GSTCD: variants seen among roughly 807,000 people sequenced by gnomAD.
GSTCD encodes the protein glutathione S-transferase C-terminal domain containing.
GSTCD carries 44 observed loss-of-function variants against 68.3 expected under a neutral mutation model. The observed-to-expected ratio is 0.64, with a 90% CI of 0.51 to 0.83. The LOEUF is 0.83. Ranked by LOEUF, GSTCD falls within the 40% of genes least tolerant of loss-of-function variation. The pLI, the probability that GSTCD is intolerant of heterozygous loss-of-function variation, is 0.00. For missense variants in GSTCD, 739 were observed against 735.9 expected (o/e 1.00, Z -0.05); for synonymous variants, 273 against 255.2 (o/e 1.07, Z -0.67).
chr4:105,838,604 G>A (rs1724214537), intron 10 of GSTCD, among the ~76,000 whole-genome samples: 1 of 152,224 alleles, frequency 6.6e-6, no homozygotes, highest in Non-Finnish European at 1.5e-5. Context: ...AACAAAGACA[G>A]TCAGTGTCTC....
chr4:105,796,900 A>G (rs556446120), intron 5 of GSTCD, among the ~76,000 whole-genome samples: 82 of 152,310 alleles, frequency 5.4e-4, no homozygotes, highest in African/African-American at 1.8e-3. Flanking sequence ...AGTCACTTCT[A>G]TGTATAGAGG....
chr4:105,819,478 G>C (rs149427775), intron 5 of GSTCD, among the ~76,000 whole-genome samples: 1 of 151,714 alleles, frequency 6.6e-6, no homozygotes, highest in Non-Finnish European at 1.5e-5. Flanking sequence ...TTTCTGTTGA[G>C]ATGCGTCCTC....
intron 5 of GSTCD, among the ~76,000 whole-genome samples, chr4:105,786,429 T>C (rs1198443169): frequency 1.3e-5 from 2 of 151,762 alleles, no homozygotes; most frequent in Non-Finnish European, 1.5e-5. Flanking sequence ...GGAGAATCGC[T>C]TGGACGCCAG....
intron 5 of GSTCD, among the ~76,000 whole-genome samples, chr4:105,819,443 A>T (rs1723166347): frequency 6.6e-6 from 1 of 151,846 alleles, no homozygotes; most frequent in Non-Finnish European, 1.5e-5. Flanking sequence ...ACTTCTTAAG[A>T]ACAGAAACTA....
At chr4:105,766,948 C>A (rs577795054) in intron 5 of GSTCD, among the ~76,000 whole-genome samples, 64 of 98,846 alleles carry the variant, frequency 6.5e-4, no homozygotes, top group Admixed American at 1.1e-3. Context: ...TTCCAGTGTT[C>A]CAGTATATAA....
intron 5 of GSTCD, among the ~76,000 whole-genome samples, chr4:105,741,885 T>C (rs1332595764): frequency 6.6e-6 from 1 of 152,178 alleles, no homozygotes; most frequent in East Asian, 1.9e-4. Flanking sequence ...GCATTTTAAG[T>C]TTGTTGTTTT....
chr4:105,766,887 C>CTCTTT (rs1734629273), intron 5 of GSTCD, among the ~76,000 whole-genome samples: 1 of 57,138 alleles, frequency 1.8e-5, no homozygotes, highest in Non-Finnish European at 3.0e-5. Context: ...GTTTTTGACT[C>CTCTTT]TTTTTTTTTT....
intron 5 of GSTCD, chr4:105,821,222 AT>A (rs1723276311): frequency 6.6e-6 from 1 of 151,904 alleles, no homozygotes; most frequent in East Asian, 1.9e-4. Context: ...TATAAGGCAT[AT>A]TTAGATGAAT....
At position 105,794,833 on chromosome 4, in the gene GSTCD, A is replaced by G. The variant is rs889570085; in HGVS notation, c.1241-28121A>G. Among the ~76,000 whole-genome samples, 91 of 96,984 alleles carry G rather than the reference A, an allele frequency of 9.4e-4. 1 individual carries two copies. The highest frequency in any genetic ancestry group is 9.3e-3 in the African/African-American group (91 of 9,816). The allele number at this position is 96,984 out of a possible 152,430, so 63.6% of individuals were successfully genotyped here. On this transcript the variant is annotated intron_variant, in intron 5 of 11. Coordinates refer to ENST00000515279, the MANE Select transcript of GSTCD (RefSeq NM_001370181.1). ...TTATTATTTCTGCTTTTATCTATCT[A>G]TCTATTTATCTATCTATCTATCTAT...
At chr4:105,767,653 T>C (rs1734671553) in intron 5 of GSTCD, among the ~76,000 whole-genome samples, 1 of 152,192 alleles carries the variant, frequency 6.6e-6, no homozygotes, top group South Asian at 2.1e-4. Context: ...AGAAAACCGT[T>C]TAACATGGAC....
At chr4:105,764,117 G>T (rs919172077) in intron 5 of GSTCD, among the ~76,000 whole-genome samples, 5 of 152,062 alleles carry the variant, frequency 3.3e-5, no homozygotes, top group South Asian at 4.2e-4. Flanking sequence ...GTTTAACAGT[G>T]TACCTCTAAA....
At chr4:105,727,950 G>A (rs1391819725) in intron 4 of GSTCD, among the ~76,000 whole-genome samples, 1 of 152,068 alleles carries the variant, frequency 6.6e-6, no homozygotes, top group African/African-American at 2.4e-5. Flanking sequence ...ATTTGAGTTC[G>A]GTAGCTAACA....
At chr4:105,836,890 C>A (rs186520513) in intron 9 of GSTCD, among the ~76,000 whole-genome samples, 1 of 152,306 alleles carries the variant, frequency 6.6e-6, no homozygotes, top group African/African-American at 2.4e-5. Context: ...AAATAGCATA[C>A]TGTTTCTATA....
intron 5 of GSTCD, among the ~76,000 whole-genome samples, chr4:105,747,611 A>G (rs908192031): frequency 1.3e-5 from 2 of 152,334 alleles, no homozygotes; most frequent in Admixed American, 6.5e-5. Context: ...TTTAGCAAAG[A>G]GTAAGTCATA....
At chr4:105,843,660 G>C (rs1724441865) in intron 11 of GSTCD, 1 of 152,114 alleles carries the variant, frequency 6.6e-6, no homozygotes, top group Non-Finnish European at 1.5e-5. Context: ...CCACTACCAT[G>C]ATAATGGTAT....
intron 1 of GSTCD, among the ~76,000 whole-genome samples, chr4:105,711,625 G>C (rs1732539783): frequency 6.6e-6 from 1 of 152,108 alleles, no homozygotes; most frequent in Non-Finnish European, 1.5e-5. Context: ...GCTTTTTTCT[G>C]TATGGCACAC....
intron 5 of GSTCD, among the ~76,000 whole-genome samples, chr4:105,730,569 G>A (rs548519538): frequency 3.9e-5 from 6 of 152,168 alleles, no homozygotes; most frequent in South Asian, 2.1e-4. Flanking sequence ...CATATCCTTC[G>A]CCCACTTTTT....
intron 5 of GSTCD, among the ~76,000 whole-genome samples, chr4:105,770,055 G>A (rs59778195): frequency 2.8e-4 from 43 of 152,190 alleles, no homozygotes; most frequent in Admixed American, 1.1e-3. Context: ...CACCACACCC[G>A]GCCCAGATTT....
chr4:105,765,756 C>T (rs1030927065), intron 5 of GSTCD, among the ~76,000 whole-genome samples: 20 of 152,266 alleles, frequency 1.3e-4, no homozygotes, highest in African/African-American at 4.3e-4. Context: ...CTGGTTCCCC[C>T]ATGCTGTTCT....
Sources: gnomAD v4.1 joint callset for allele counts (sites outside exome capture counted in the v4.1 genomes callset) on GRCh38, gnomAD v4.1.1 for gene constraint, MANE v1.5 for transcripts, NCBI Gene and HGNC (gene_info 2026-07-23, HGNC 2026-07-21) for gene names.